APLF: variants seen among roughly 807,000 people sequenced by gnomAD.
APLF encodes aprataxin and PNK-like factor.
In APLF, 61 loss-of-function variants were observed where a neutral mutation model predicts 55.6. The ratio of observed to expected loss-of-function variants is 1.10; its 90% CI spans 0.89 to 1.36. The LOEUF (loss-of-function observed/expected upper bound fraction) is 1.36, where lower values mean the gene tolerates loss of function less well. APLF is among the 40% of genes most tolerant of loss of function. The pLI is 0.00. For synonymous variants in APLF, 207 were observed against 214.8 expected, an observed-to-expected ratio of 0.96 and a Z score of 0.32; for missense variants, 611 against 602.5, an observed-to-expected ratio of 1.01 and a Z score of -0.15.
intron 1 of APLF, among the ~76,000 whole-genome samples, chr2:68,488,364 C>T (rs891384741): frequency 6.7e-5 from 10 of 148,962 alleles, no homozygotes; most frequent in African/African-American, 2.5e-4. Flanking sequence ...AGGGTCTCAC[C>T]GTGTCCCCCA....
At chr2:68,554,877 T>C (rs549386802) in intron 8 of APLF, among the ~76,000 whole-genome samples, 1 of 152,176 alleles carries the variant, frequency 6.6e-6, no homozygotes, top group Non-Finnish European at 1.5e-5. Flanking sequence ...AGAGCAAATC[T>C]GGAGGCATCA....
chr2:68,505,575 A>G (rs1271326202), intron 3 of APLF, among the ~76,000 whole-genome samples: 2 of 152,046 alleles, frequency 1.3e-5, no homozygotes, highest in Non-Finnish European at 2.9e-5. Context: ...GTCATTTGCT[A>G]GAAGGGCTCA....
chr2:68,527,386 C>T (rs555860922), intron 6 of APLF, among the ~76,000 whole-genome samples: 1 of 151,140 alleles, frequency 6.6e-6, no homozygotes, highest in South Asian at 2.1e-4. Context: ...GGTGGCTGGG[C>T]AAAGGTGCTC....
At chr2:68,527,477 C>T (rs1214137735) in intron 6 of APLF, among the ~76,000 whole-genome samples, 1 of 147,490 alleles carries the variant, frequency 6.8e-6, no homozygotes, top group Non-Finnish European at 1.5e-5. Flanking sequence ...AGAGGCGGTG[C>T]TCCTCCTCAA....
intron 8 of APLF, among the ~76,000 whole-genome samples, chr2:68,561,532 C>A (rs901181110): frequency 3.3e-5 from 5 of 152,106 alleles, no homozygotes; most frequent in Non-Finnish European, 5.9e-5. Flanking sequence ...TCTTACAATG[C>A]GGAGCAGTCT....
intron 6 of APLF, chr2:68,528,767 T>C (rs1670156669): frequency 2.1e-6 from 3 of 1,462,840 alleles, no homozygotes; most frequent in Non-Finnish European, 1.8e-6. Flanking sequence ...GCCCTTGGAG[T>C]AGAAACTCAC....
chr2:68,472,163 G>T (rs138847354), intron 1 of APLF, among the ~76,000 whole-genome samples: 1 of 152,122 alleles, frequency 6.6e-6, no homozygotes, highest in East Asian at 1.9e-4. Flanking sequence ...CTCAGATAGC[G>T]GACTTCAGAG....
At chr2:68,517,160 A>G (rs1182450127) in intron 5 of APLF, among the ~76,000 whole-genome samples, 1 of 124,786 alleles carries the variant, frequency 8.0e-6, no homozygotes, top group Admixed American at 8.9e-5. Flanking sequence ...ATTGATATAT[A>G]ATATATCAAT....
chr2:68,528,525 G>A, intron 6 of APLF: 1 of 1,533,952 alleles, frequency 6.5e-7, no homozygotes, highest in Non-Finnish European at 8.7e-7. Context: ...GCTCTGGGTG[G>A]AGAAGACCTA....
intron 1 of APLF, among the ~76,000 whole-genome samples, chr2:68,473,140 C>G (rs1208781406): frequency 6.6e-6 from 1 of 152,056 alleles, no homozygotes; most frequent in Non-Finnish European, 1.5e-5. Context: ...CAGAGTTGTT[C>G]CACTGCCCTA....
chr2:68,490,111 A>G, intron 1 of APLF, 79 bp from the exon 2 acceptor site: 2 of 934,902 alleles, frequency 2.1e-6, no homozygotes, highest in Non-Finnish European at 3.2e-6. Context: ...AACATCGCCA[A>G]GGGTTTCGTT....
Position 68,472,031 on chromosome 2 carries a change from A to G in APLF, c.96+4204A>G, listed in dbSNP as rs749407337. Reference sequence around the variant, plus strand: ...AACCCAAAGCAGGGGCTTCCAGGCTATAGGTAAATTTAAACATTTTCTGGT... The same window carrying G: ...AACCCAAAGCAGGGGCTTCCAGGCTGTAGGTAAATTTAAACATTTTCTGGT... On this transcript the variant is annotated intron_variant, in intron 1 of 9. Transcript: ENST00000303795. Among the ~76,000 whole-genome samples, 5 of 152,216 alleles carry G rather than the reference A, an allele frequency of 3.3e-5. No homozygotes were observed. The East Asian group carries it at 7.7e-4, about 23-fold the overall frequency.
chr2:68,514,381 A>T (rs903039500), intron 5 of APLF, among the ~76,000 whole-genome samples: 1 of 151,724 alleles, frequency 6.6e-6, no homozygotes, highest in Non-Finnish European at 1.5e-5. Flanking sequence ...GATATTATGG[A>T]TGATACATTG....
intron 8 of APLF, among the ~76,000 whole-genome samples, chr2:68,550,667 T>A (rs575145987): frequency 6.6e-6 from 1 of 152,288 alleles, no homozygotes; most frequent in African/African-American, 2.4e-5. Context: ...TTCATTCTGT[T>A]TTTTTCTCCT....
intron 1 of APLF, among the ~76,000 whole-genome samples, chr2:68,478,195 A>C (rs1426509435): frequency 6.6e-6 from 1 of 152,144 alleles, no homozygotes; most frequent in Non-Finnish European, 1.5e-5. Flanking sequence ...AATTACAAGA[A>C]AAAGTTGAAT....
chr2:68,547,446 G>T (rs1457284138), intron 8 of APLF, among the ~76,000 whole-genome samples: 1 of 151,738 alleles, frequency 6.6e-6, no homozygotes, highest in Non-Finnish European at 1.5e-5. Context: ...TGAAGAATAG[G>T]TGGCAGGATG....
intron 5 of APLF, among the ~76,000 whole-genome samples, chr2:68,517,240 GTCATTACTATATAATATA>G (rs1257596123): frequency 9.4e-5 from 9 of 96,210 alleles, no homozygotes; most frequent in African/African-American, 3.9e-4. Context: ...ATTAATATAT[GTCATTACTATATAATATA>G]TTAATATATG....
intron 2 of APLF, among the ~76,000 whole-genome samples, chr2:68,494,568 G>A (rs531855642): frequency 1.3e-5 from 2 of 152,094 alleles, no homozygotes; most frequent in East Asian, 3.9e-4. Flanking sequence ...TGTGTGCCAT[G>A]GTGGTTTACT....
At chr2:68,556,688 T>C (rs574960344) in intron 8 of APLF, among the ~76,000 whole-genome samples, 1 of 152,372 alleles carries the variant, frequency 6.6e-6, no homozygotes, top group South Asian at 2.1e-4. Flanking sequence ...CACAATCATG[T>C]ACCTTGCCTT....
Sources: gnomAD v4.1 joint callset for allele counts (sites outside exome capture counted in the v4.1 genomes callset) on GRCh38, gnomAD v4.1.1 for gene constraint, MANE v1.5 for transcripts, NCBI Gene and HGNC (gene_info 2026-07-23, HGNC 2026-07-21) for gene names.